The following HS3ST4 variants were observed in gnomAD, a reference collection of about 807,000 sequenced individuals.
The protein encoded by HS3ST4 is heparan sulfate glucosamine 3-O-sulfotransferase 4.
Under a neutral mutation model 29.2 loss-of-function variants are expected in HS3ST4, and 17 were observed. That is an observed-to-expected ratio of 0.58 (90% CI 0.40 to 0.87). The LOEUF (loss-of-function observed/expected upper bound fraction) is 0.87. Ranked by LOEUF, HS3ST4 falls within the 40% of genes least tolerant of loss-of-function variation. The pLI, the probability that HS3ST4 is intolerant of heterozygous loss-of-function variation, is 0.00. For missense variants in HS3ST4, 627 were observed against 634.5 expected (o/e 0.99, Z 0.13); for synonymous variants, 314 against 285.7 (o/e 1.10, Z -1.00).
chr16:26,119,695 T>C (rs1899246695), intron 1 of HS3ST4, among the ~76,000 whole-genome samples: 1 of 152,236 alleles, frequency 6.6e-6, no homozygotes. Flanking sequence ...CTCCTTCTCT[T>C]CTTTTCTGCT....
At chr16:26,028,893 G>T (rs1969504600) in intron 1 of HS3ST4, 1 of 152,244 alleles carries the variant, frequency 6.6e-6, no homozygotes, top group South Asian at 2.1e-4. Flanking sequence ...GGCAAAGTGT[G>T]TAAGAACGTG....
At chr16:25,783,361 G>T (rs1190024958) in intron 1 of HS3ST4, among the ~76,000 whole-genome samples, 1 of 152,146 alleles carries the variant, frequency 6.6e-6, no homozygotes, top group African/African-American at 2.4e-5. Context: ...AGAACCACAG[G>T]GGTTTAACTT....
intron 1 of HS3ST4, among the ~76,000 whole-genome samples, chr16:25,854,825 T>G (rs1216071390): frequency 1.3e-5 from 2 of 151,966 alleles, no homozygotes; most frequent in East Asian, 3.9e-4. Context: ...TGTAAAATAT[T>G]TAAAGAGGTT....
intron 1 of HS3ST4, among the ~76,000 whole-genome samples, chr16:25,987,138 G>A (rs1201627564): frequency 6.6e-6 from 1 of 152,114 alleles, no homozygotes; most frequent in African/African-American, 2.4e-5. Flanking sequence ...ATCACCTGAG[G>A]TCGGGAGTTC....
chr16:25,908,064 G>A (rs1430758766), intron 1 of HS3ST4, among the ~76,000 whole-genome samples: 1 of 152,188 alleles, frequency 6.6e-6, no homozygotes, highest in South Asian at 2.1e-4. Flanking sequence ...GAAGAGGGGA[G>A]GGGGAGAATG....
intron 1 of HS3ST4, among the ~76,000 whole-genome samples, chr16:25,909,415 C>A (rs1033326137): frequency 3.3e-5 from 5 of 152,116 alleles, no homozygotes; most frequent in African/African-American, 1.2e-4. Context: ...TCTTGAGCTC[C>A]TGGACATGCC....
chr16:25,930,616 T>C (rs973232102), intron 1 of HS3ST4, among the ~76,000 whole-genome samples: 1 of 152,234 alleles, frequency 6.6e-6, no homozygotes, highest in Non-Finnish European at 1.5e-5. Context: ...TATAATTCAG[T>C]CTGACTGCGA....
At chr16:25,938,859 G>A (rs8055955) in intron 1 of HS3ST4, among the ~76,000 whole-genome samples, 41,984 of 151,942 alleles carry the variant, frequency 0.28, 6,126 homozygotes, top group Admixed American at 0.38. Flanking sequence ...TTCTTTGGAA[G>A]CACTTCTCAC....
At chr16:25,857,932 C>CTTTCTTTT in intron 1 of HS3ST4, among the ~76,000 whole-genome samples, 1 of 49,536 alleles carries the variant, frequency 2.0e-5, no homozygotes, top group Middle Eastern at 6.1e-3. Flanking sequence ...TTCTTTCTTT[C>CTTTCTTTT]TTTCTTTCTT....
Position 25,788,540 on chromosome 16 carries a change from C to CTTTTTTTTTTTTTTTTTTT in HS3ST4, c.734+95392_734+95393insTTTTTTTTTTTTTTTTTTT, listed in dbSNP as rs34729954. On this transcript the variant is annotated intron_variant, in intron 1 of 1. Transcript: ENST00000331351. ...TTCCTACATTTTTTTTTCTTTTCTTCTTTCTTTTTTTTTTTTTTTTGACAG... is the reference window on the plus strand; with the variant it reads ...TTCCTACATTTTTTTTTCTTTTCTTCTTTTTTTTTTTTTTTTTTTTTTCTTTTTTTTTTTTTTTTGACAG... Among the ~76,000 whole-genome samples the CTTTTTTTTTTTTTTTTTTT allele has an allele frequency of 5.0e-5, 5 of 99,068 alleles. 1 individual carries two copies. Among genetic ancestry groups the CTTTTTTTTTTTTTTTTTTT allele is most frequent in the African/African-American group, 8.3e-5 (2 of 24,076 alleles). 65.0% of individuals were successfully genotyped at this position (99,068 alleles called of 152,430 possible).
chr16:25,787,317 T>A (rs1966859142), intron 1 of HS3ST4, among the ~76,000 whole-genome samples: 1 of 152,230 alleles, frequency 6.6e-6, no homozygotes, highest in Admixed American at 6.5e-5. Flanking sequence ...GAATGTATGC[T>A]CAAAATCAGA....
rs1194299674 is a variant in HS3ST4, at chr16:25,692,202, T to C, written c.-216T>C. ...GGCCACCCGGACTCGGCGGGCAGCG[T>C]GGGGCGGGGGGCCATGCGGCCGGGC... On this transcript the variant is annotated 5_prime_UTR_variant, in exon 1 of 2. Transcript: ENST00000331351. The C allele has an allele frequency of 7.0e-6, 1 of 141,916 alleles. No homozygotes were observed. Among genetic ancestry groups the C allele is most frequent in the Non-Finnish European group, 1.6e-5 (1 of 64,102 alleles). 8.8% of individuals were successfully genotyped at this position (141,916 alleles called of 1,614,324 possible).
intron 1 of HS3ST4, among the ~76,000 whole-genome samples, chr16:25,754,759 T>C (rs544265997): frequency 6.6e-6 from 1 of 152,120 alleles, no homozygotes; most frequent in Non-Finnish European, 1.5e-5. Flanking sequence ...GATTAAATTA[T>C]CTCCACCTGG....
chr16:26,068,385 T>TAGATC (rs1555482094), intron 1 of HS3ST4, among the ~76,000 whole-genome samples: 1 of 152,110 alleles, frequency 6.6e-6, no homozygotes, highest in Non-Finnish European at 1.5e-5. Flanking sequence ...TATTAAAAAG[T>TAGATC]TTAACGTAGA....
chr16:25,841,960 G>A (rs771547967), intron 1 of HS3ST4, among the ~76,000 whole-genome samples: 3 of 152,198 alleles, frequency 2.0e-5, no homozygotes, highest in Non-Finnish European at 2.9e-5. Flanking sequence ...GAGTTGTTCT[G>A]CAGATGGCTT....
At chr16:25,884,608 C>T (rs995272823) in intron 1 of HS3ST4, among the ~76,000 whole-genome samples, 3 of 152,152 alleles carry the variant, frequency 2.0e-5, no homozygotes, top group Admixed American at 1.3e-4. Flanking sequence ...CTGTATTTCC[C>T]AGGCTGGAGT....
At chr16:26,049,432 C>T (rs979119811) in intron 1 of HS3ST4, among the ~76,000 whole-genome samples, 3 of 148,970 alleles carry the variant, frequency 2.0e-5, no homozygotes, top group African/African-American at 7.5e-5. Flanking sequence ...TAGATGTGCC[C>T]GTGCATTTGT....
intron 1 of HS3ST4, among the ~76,000 whole-genome samples, chr16:25,951,639 G>A (rs1968684410): frequency 6.6e-6 from 1 of 151,998 alleles, no homozygotes; most frequent in South Asian, 2.1e-4. Context: ...CAGCTCTTGG[G>A]GTTAAGGTGC....
intron 1 of HS3ST4, among the ~76,000 whole-genome samples, chr16:26,019,499 A>G (rs1969391461): frequency 6.6e-6 from 1 of 151,706 alleles, no homozygotes; most frequent in Non-Finnish European, 1.5e-5. Context: ...TAATTTTAAC[A>G]GGAGGGCAAT....
Sources: gnomAD v4.1 joint callset for allele counts (sites outside exome capture counted in the v4.1 genomes callset) on GRCh38, gnomAD v4.1.1 for gene constraint, MANE v1.5 for transcripts, NCBI Gene and HGNC (gene_info 2026-07-23, HGNC 2026-07-21) for gene names.